The following KIF3A variants were observed in gnomAD, a reference collection of about 807,000 sequenced individuals.
The protein encoded by KIF3A is kinesin-like protein KIF3A.
Under a neutral mutation model 92.6 loss-of-function variants are expected in KIF3A, and 27 were observed. The observed-to-expected ratio is 0.29, with a 90% CI of 0.21 to 0.40. The LOEUF is 0.40. KIF3A is among the 10% of genes least tolerant of loss of function. KIF3A has a pLI of 1.00. For missense variants in KIF3A, 581 were observed against 872.6 expected (o/e 0.67, Z 4.21); for synonymous variants, 250 against 275.4 (o/e 0.91, Z 0.92).
At chr5:132,706,430 G>T in intron 11 of KIF3A, 21 bp downstream of exon 11, 1 of 1,530,736 alleles carries the variant, frequency 6.5e-7, no homozygotes, top group Non-Finnish European at 8.8e-7. Flanking sequence ...ACCATGTGGA[G>T]TGCAAATCAA....
intron 11 of KIF3A, among the ~76,000 whole-genome samples, chr5:132,705,203 C>T (rs1428740389): frequency 6.6e-6 from 1 of 151,872 alleles, no homozygotes; most frequent in East Asian, 1.9e-4. Flanking sequence ...CTACTTATCC[C>T]ATCAGTCATA....
At chr5:132,714,895 G>A (rs1244470496) in intron 8 of KIF3A, among the ~76,000 whole-genome samples, 2 of 152,092 alleles carry the variant, frequency 1.3e-5, no homozygotes, top group Non-Finnish European at 2.9e-5. Context: ...AAACATACTG[G>A]CTATAAATAC....
At chr5:132,726,522 T>A (rs1274598611) in intron 2 of KIF3A, 24 bp from the exon 3 acceptor site, 2 of 1,605,766 alleles carry the variant, frequency 1.2e-6, no homozygotes, top group Non-Finnish European at 1.7e-6. Flanking sequence ...AGAGAATCAG[T>A]TACTTCTTAA....
chr5:132,716,767 CACTTT>C, intron 6 of KIF3A, 73 bp downstream of exon 6: 1 of 1,451,188 alleles, frequency 6.9e-7, no homozygotes. Context: ...CATACCTTTT[CACTTT>C]AATTTTCATT....
intron 16 of KIF3A, 27 bp downstream of exon 16, chr5:132,700,620 A>C: frequency 1.4e-6 from 2 of 1,461,052 alleles, no homozygotes; most frequent in Non-Finnish European, 9.6e-7. Context: ...TTTAATTATT[A>C]CGTGAAAGAA....
intron 4 of KIF3A, 116 bp from the exon 5 acceptor site, chr5:132,720,830 C>A: frequency 1.7e-6 from 1 of 595,626 alleles, no homozygotes; most frequent in Admixed American, 3.2e-5. Flanking sequence ...ATAAGATAGA[C>A]ACTGTTCCTA....
chr5:132,737,040 A>G (rs982490201), intron 1 of KIF3A: 1 of 390,414 alleles, frequency 2.6e-6, no homozygotes, highest in African/African-American at 2.1e-5. Flanking sequence ...CCGAGGCGCA[A>G]AGGCCTCACC....
At chr5:132,717,028 GCCT>G (rs1753649013) in intron 5 of KIF3A, 44 bp from the exon 6 acceptor site, 2 of 1,581,546 alleles carry the variant, frequency 1.3e-6, no homozygotes, top group Non-Finnish European at 1.7e-6. Context: ...AACAGAGAGT[GCCT>G]TTAAAAATAA....
intron 4 of KIF3A, among the ~76,000 whole-genome samples, chr5:132,724,895 G>A (rs1277734766): frequency 1.3e-4 from 17 of 129,798 alleles, no homozygotes; most frequent in Admixed American, 4.1e-4. Context: ...AATCTTCAAT[G>A]GAGGTTCAAA....
intron 7 of KIF3A, 51 bp downstream of exon 7, chr5:132,716,194 T>C: frequency 1.4e-6 from 2 of 1,408,210 alleles, no homozygotes; most frequent in Non-Finnish European, 2.0e-6. Context: ...TTGGCATAAA[T>C]TACAATCTTA....
At position 132,693,476 on chromosome 5, in the gene KIF3A, A is replaced by G. The variant is rs1451016885; in HGVS notation, c.*3158T>C. Reference sequence around the variant, plus strand: ...TACCCATTCAATAACCTATTTATATATATGTGCCACTCATTTTAAATCTGC... The same window carrying G: ...TACCCATTCAATAACCTATTTATATGTATGTGCCACTCATTTTAAATCTGC... On this transcript the variant is annotated 3_prime_UTR_variant, in exon 19 of 19. Transcript: ENST00000403231. The G allele has an allele frequency of 6.5e-6, 1 of 152,812 alleles. No homozygotes were observed. The highest frequency in any genetic ancestry group is 1.5e-5 in the Non-Finnish European group (1 of 68,046). The allele number at this position is 152,812 out of a possible 1,614,324, so 9.5% of individuals were successfully genotyped here. A position where few individuals can be genotyped will look rare whatever the true frequency, so the allele number is the denominator to read the frequency against.
intron 17 of KIF3A, among the ~76,000 whole-genome samples, chr5:132,699,989 A>G (rs556346166): frequency 3.9e-5 from 6 of 152,272 alleles, no homozygotes; most frequent in African/African-American, 1.2e-4. Context: ...GAGTGAGTCC[A>G]TGCCCCTCTT....
At chr5:132,720,548 T>G in intron 5 of KIF3A, 61 bp downstream of exon 5, 1 of 1,013,350 alleles carries the variant, frequency 9.9e-7, no homozygotes, top group Non-Finnish European at 1.5e-6. Flanking sequence ...ATACCAAATT[T>G]GCTTCTAAAC....
intron 2 of KIF3A, among the ~76,000 whole-genome samples, chr5:132,732,603 C>T (rs1462531303): frequency 6.6e-6 from 1 of 152,064 alleles, no homozygotes; most frequent in Non-Finnish European, 1.5e-5. Flanking sequence ...GGTGAAACCC[C>T]GTCTCTACTA....
At chr5:132,724,804 AAAATATATAT>A (rs1753958531) in intron 4 of KIF3A, among the ~76,000 whole-genome samples, 22 of 20,526 alleles carry the variant, frequency 1.1e-3, no homozygotes, top group African/African-American at 3.6e-3. Flanking sequence ...AAAAAAAAAA[AAAATATATAT>A]ATATATATAT....
intron 4 of KIF3A, among the ~76,000 whole-genome samples, chr5:132,724,374 C>A (rs530264870): frequency 1.3e-5 from 2 of 152,172 alleles, no homozygotes; most frequent in South Asian, 4.2e-4. Flanking sequence ...CTCACAATAG[C>A]AAAGACTTGG....
intron 9 of KIF3A, 92 bp downstream of exon 9, chr5:132,710,867 T>G (rs1367126066): frequency 1.3e-6 from 2 of 1,553,166 alleles, no homozygotes; most frequent in Admixed American, 3.7e-5. Context: ...ATCTAATATA[T>G]TAAACAGATA....
intron 2 of KIF3A, among the ~76,000 whole-genome samples, chr5:132,730,356 C>A (rs1307504782): frequency 3.9e-5 from 6 of 151,998 alleles, no homozygotes; most frequent in African/African-American, 1.5e-4. Flanking sequence ...ATCCCAGCTA[C>A]CCAGGTGGCT....
At chr5:132,730,239 G>A (rs1754179351) in intron 2 of KIF3A, among the ~76,000 whole-genome samples, 1 of 152,084 alleles carries the variant, frequency 6.6e-6, no homozygotes, top group Non-Finnish European at 1.5e-5. Flanking sequence ...GGCCAAGGCA[G>A]GCGGATCACC....
Sources: allele counts gnomAD v4.1 joint callset (sites outside exome capture counted in the v4.1 genomes callset), GRCh38; gene constraint gnomAD v4.1.1; transcripts MANE v1.5; gene names NCBI Gene and HGNC (gene_info 2026-07-23, HGNC 2026-07-21).